The following DMXL2 variants were observed in gnomAD, a reference collection of about 807,000 sequenced individuals.
DMXL2 encodes the protein dmX-like protein 2.
In DMXL2, 103 loss-of-function variants were observed where a neutral mutation model predicts 331.1. The observed-to-expected ratio is 0.31, with a 90% CI of 0.27 to 0.37. DMXL2 has a LOEUF of 0.37. Among genes scored for constraint, DMXL2 ranks in the 10% least tolerant of loss-of-function variants. The pLI is 1.00. For missense variants in DMXL2, 3,171 were observed against 3,642.9 expected, an observed-to-expected ratio of 0.87 and a Z score of 3.33; for synonymous variants, 1,281 against 1,252.1, an observed-to-expected ratio of 1.02 and a Z score of -0.49.
rs1368838454 is a variant in DMXL2 at position 51,474,574 on chromosome 15, T to C, written c.6983A>G (p.Asn2328Ser). The C allele has an allele frequency of 6.8e-6, 11 of 1,613,926 alleles. No homozygotes were observed. The South Asian group carries it at 1.2e-4, about 18-fold the overall frequency. ...AQWPGVSSLI[N>S]LLSSAQDEDQ... ...TTCATCTTGGGCTGAACTCAAAAGATTAATAAGTGAGCTCACACCTATAAG... is the reference window on the plus strand; with the variant it reads ...TTCATCTTGGGCTGAACTCAAAAGACTAATAAGTGAGCTCACACCTATAAG... The change falls in exon 28 of 44, where the codon AAT (asparagine) becomes AGT (serine). Residue 2328 changes from asparagine (N) to serine (S), a missense_variant. Physicochemically the swap from Asn to Ser is conservative, Grantham distance 46. This residue lies in a region of DMXL2 where 766 missense variants were observed against 940.5 expected (regional missense o/e 0.81). Transcript: ENST00000560891.
intron 34 of DMXL2, chr15:51,459,021 G>T: frequency 4.0e-6 from 2 of 496,858 alleles, no homozygotes; most frequent in Non-Finnish European, 7.2e-6. Flanking sequence ...CCACTGTGAT[G>T]GTAAGATACT....
At chr15:51,475,443 G>A (rs746164776) in intron 27 of DMXL2, among the ~76,000 whole-genome samples, 3 of 152,000 alleles carry the variant, frequency 2.0e-5, no homozygotes, top group Non-Finnish European at 4.4e-5. Flanking sequence ...GCAGTGAGCC[G>A]AGATTGCGCC....
chr15:51,483,926 C>G (rs1327137848), intron 23 of DMXL2, among the ~76,000 whole-genome samples: 2 of 150,776 alleles, frequency 1.3e-5, no homozygotes, highest in Non-Finnish European at 3.0e-5. Flanking sequence ...CCCATGAGCC[C>G]CTAACAGAAA....
chr15:51,473,064 A>G (rs1566996437), intron 28 of DMXL2, among the ~76,000 whole-genome samples: 1 of 152,182 alleles, frequency 6.6e-6, no homozygotes, highest in East Asian at 1.9e-4. Context: ...ATTCTACCTC[A>G]GGACCTTTGC....
Position 51,488,567 on chromosome 15 carries a change from C to T in DMXL2, c.5032G>A (p.Val1678Ile). ...ACTTACCTAAACAGACCCCACACTACTGCTTTCTTCTTCATTGAAAGGTAG... is the reference window on the plus strand; with the variant it reads ...ACTTACCTAAACAGACCCCACACTATTGCTTTCTTCTTCATTGAAAGGTAG... ...LFYLSMKKKA[V>I]VWGLFRSQHD... The change falls in exon 21 of 44, where the codon GTA becomes ATA. Residue 1678 changes from valine (V) to isoleucine (I), a missense_variant. Around this residue, in one of 7 missense-constraint regions of DMXL2, gnomAD observed 252 missense variants for 387.4 expected, o/e 0.65. Transcript: ENST00000560891. The T allele has an allele frequency of 6.2e-7, 1 of 1,613,560 alleles. No individual in the cohort carries two copies.
intron 13 of DMXL2, among the ~76,000 whole-genome samples, chr15:51,519,469 T>C (rs2047217775): frequency 6.6e-6 from 1 of 151,998 alleles, no homozygotes; most frequent in Non-Finnish European, 1.5e-5. Context: ...GCTAAAAAAT[T>C]GAAAAGTAGG....
rs1323669427 is a variant in DMXL2 at position 51,596,159 on chromosome 15, G to A, written c.88-19978C>T. Among the ~76,000 whole-genome samples the A allele has an allele frequency of 4.6e-5, 7 of 152,156 alleles. No individual in the cohort carries two copies. The South Asian group carries it at 6.2e-4, about 14-fold the overall frequency. ...ACCTACAGAATGGGAGAAAATTTTC[G>A]CAAACTACTCATCTGACAAAGGGCT... On this transcript the variant is annotated intron_variant, in intron 1 of 43. Coordinates refer to ENST00000560891, the MANE Select transcript of DMXL2 (RefSeq NM_001378457.1).
At chr15:51,618,908 A>AT (rs1463345413) in intron 1 of DMXL2, among the ~76,000 whole-genome samples, 2 of 152,206 alleles carry the variant, frequency 1.3e-5, no homozygotes, top group Admixed American at 1.3e-4. Context: ...TGACTTACTA[A>AT]TTTTTGTAAA....
intron 31 of DMXL2, 149 bp downstream of exon 31, chr15:51,465,417 G>T: frequency 1.5e-6 from 1 of 686,830 alleles, no homozygotes; most frequent in Non-Finnish European, 2.5e-6. Context: ...TAAAGTCACA[G>T]ATTGGAGCCT....
intron 6 of DMXL2, among the ~76,000 whole-genome samples, chr15:51,562,299 T>C (rs55946545): frequency 0.035 from 5,370 of 152,258 alleles, 124 homozygotes; most frequent in South Asian, 0.06. Context: ...CCCAATTCTA[T>C]GCCCGAGAAA....
chr15:51,457,277 G>T (rs1726045896), intron 37 of DMXL2, 51 bp downstream of exon 37: 1 of 1,583,804 alleles, frequency 6.3e-7, no homozygotes, highest in South Asian at 1.1e-5. Flanking sequence ...GATTCCAACT[G>T]ATTTTTCAGA....
chr15:51,593,229 G>C (rs1303945585), intron 1 of DMXL2, among the ~76,000 whole-genome samples: 1 of 152,002 alleles, frequency 6.6e-6, no homozygotes, highest in Non-Finnish European at 1.5e-5. Flanking sequence ...GATCTACCAA[G>C]CAAATAGAAA....
chr15:51,476,811 G>A, intron 26 of DMXL2, 92 bp from the exon 27 acceptor site: 4 of 1,069,252 alleles, frequency 3.7e-6, no homozygotes, highest in South Asian at 2.3e-5. Flanking sequence ...CCTATTTTAA[G>A]AAACAAAAAT....
At chr15:51,592,752 G>A (rs1245871882) in intron 1 of DMXL2, among the ~76,000 whole-genome samples, 2 of 151,360 alleles carry the variant, frequency 1.3e-5, no homozygotes, top group Non-Finnish European at 2.9e-5. Flanking sequence ...GAGAGTGGGG[G>A]CCAATATTCA....
At chr15:51,612,973 G>A (rs1041659705) in intron 1 of DMXL2, among the ~76,000 whole-genome samples, 1 of 152,186 alleles carries the variant, frequency 6.6e-6, no homozygotes, top group South Asian at 2.1e-4. Context: ...AAAGAATTCA[G>A]CGATATTTCT....
chr15:51,539,611 C>A lies in DMXL2; in HGVS notation c.1106-1159G>T, dbSNP rs148866732. Among the ~76,000 whole-genome samples the A allele has an allele frequency of 9.5e-3, 1,447 of 152,086 alleles. 18 individuals carry two copies. The highest frequency in any genetic ancestry group is 0.033 in the African/African-American group (1,377 of 41,480). ...ATCGCTTGAACTTAGGAGTTTGGGA[C>A]CAGCCTGGGAAACACAGCGAGACAC... is the stretch of plus-strand genomic sequence containing the variant. On this transcript the variant is annotated intron_variant, in intron 9 of 43. Transcript: ENST00000560891.
In DMXL2 at chr15:51,537,777, T is replaced by C. The variant is rs1254467676; in HGVS notation, c.1346-18A>G. ...GGATAAATCTGAACCAGAAAATATA[T>C]TTATCAATACAAGCATTAAATAATT... On this transcript the variant is annotated intron_variant, in intron 10 of 43. Transcript: ENST00000560891. 6 of 1,604,294 alleles carry C rather than the reference T, an allele frequency of 3.7e-6. No individual in the cohort carries two copies. The highest frequency in any genetic ancestry group is 3.3e-5 in the South Asian group (3 of 90,044).
At chr15:51,497,110 T>C (rs898660880) in intron 18 of DMXL2, among the ~76,000 whole-genome samples, 3 of 152,224 alleles carry the variant, frequency 2.0e-5, no homozygotes, top group Non-Finnish European at 1.5e-5. Context: ...AAGCTTAAGG[T>C]TGTTCTGGGA....
At chr15:51,481,745 G>T in intron 23 of DMXL2, 122 bp from the exon 24 acceptor site, 2 of 890,186 alleles carry the variant, frequency 2.2e-6, no homozygotes, top group Non-Finnish European at 3.3e-6. Context: ...CCTACGATAG[G>T]TTACACTATG....
Sources: allele counts gnomAD v4.1 joint callset (sites outside exome capture counted in the v4.1 genomes callset), GRCh38; gene constraint gnomAD v4.1.1; regional missense constraint gnomAD v4.1.1; transcripts MANE v1.5; gene names NCBI Gene and HGNC (gene_info 2026-07-23, HGNC 2026-07-21).